PLD1: variants seen among roughly 807,000 people sequenced by gnomAD.
The protein encoded by PLD1 is choline phosphatase 1.
In PLD1, 112 loss-of-function variants were observed where a neutral mutation model predicts 137.1. The ratio of observed to expected loss-of-function variants is 0.82; its 90% CI spans 0.70 to 0.96. The LOEUF (loss-of-function observed/expected upper bound fraction) is 0.96, where lower values mean the gene tolerates loss of function less well. PLD1 is among the 40% of genes least tolerant of loss of function. The pLI is 0.00. For synonymous variants in PLD1, 431 were observed against 454.7 expected (o/e 0.95, Z 0.66); for missense variants, 1,321 against 1,342.0 (o/e 0.98, Z 0.24).
intron 12 of PLD1, among the ~76,000 whole-genome samples, chr3:171,696,565 C>T (rs1715714588): frequency 6.6e-6 from 1 of 152,082 alleles, no homozygotes. Context: ...TTTTAATAAA[C>T]CTTGTGGACC....
At chr3:171,739,080 C>A (rs1472392981) in intron 1 of PLD1, among the ~76,000 whole-genome samples, 1 of 152,084 alleles carries the variant, frequency 6.6e-6, no homozygotes. Context: ...TAAGGCAGGC[C>A]CCTGTGATTA....
chr3:171,733,689 T>G (rs1412499581), intron 5 of PLD1, among the ~76,000 whole-genome samples, 180 bp from the exon 6 acceptor site: 1 of 152,208 alleles, frequency 6.6e-6, no homozygotes, highest in Non-Finnish European at 1.5e-5. Flanking sequence ...ATTTCCATAT[T>G]TCTCTTGAAC....
At chr3:171,654,597 G>A (rs568152894) in intron 21 of PLD1, among the ~76,000 whole-genome samples, 5 of 152,286 alleles carry the variant, frequency 3.3e-5, no homozygotes, top group Admixed American at 1.3e-4. Flanking sequence ...GTTTAAAAAT[G>A]TGTCTACCTG....
chr3:171,806,589 T>A (rs1264001361), intron 1 of PLD1, among the ~76,000 whole-genome samples: 1 of 152,248 alleles, frequency 6.6e-6, no homozygotes, highest in Non-Finnish European at 1.5e-5. Context: ...GCTTTTCTTG[T>A]GAACACAATG....
At chr3:171,665,827 C>T (rs1323201489) in intron 19 of PLD1, among the ~76,000 whole-genome samples, 1 of 152,116 alleles carries the variant, frequency 6.6e-6, no homozygotes, top group East Asian at 1.9e-4. Context: ...TCCTGAGGGG[C>T]TTCAGCATCA....
chr3:171,798,960 C>T (rs1247828961), intron 1 of PLD1, among the ~76,000 whole-genome samples: 1 of 152,186 alleles, frequency 6.6e-6, no homozygotes, highest in Admixed American at 6.5e-5. Context: ...CACTAACCAA[C>T]ACCTGATTTG....
At position 171,602,074 on chromosome 3, in the gene PLD1, T is replaced by TA. The variant is rs757838870; in HGVS notation, c.*1003dup. 2 of 152,232 alleles carry TA rather than the reference T, an allele frequency of 1.3e-5. No homozygotes were observed. Among genetic ancestry groups the TA allele is most frequent in the Non-Finnish European group, 2.9e-5 (2 of 68,046 alleles). The allele number at this position is 152,232 out of a possible 1,614,324, so 9.4% of individuals were successfully genotyped here. ...TCATACTTACTAACTTGGTAGGAGTTACGATGCCTCTGATTCTCTTGAAAG... is the reference window on the plus strand; with the variant it reads ...TCATACTTACTAACTTGGTAGGAGTTAACGATGCCTCTGATTCTCTTGAAAG... On this transcript the variant is annotated 3_prime_UTR_variant, in exon 27 of 27. Coordinates refer to ENST00000351298, the MANE Select transcript of PLD1 (RefSeq NM_002662.5).
Position 171,686,815 on chromosome 3 carries a change from T to C in PLD1, c.1754-17A>G. The C allele has an allele frequency of 1.6e-6, 2 of 1,234,712 alleles. No homozygotes were observed. The highest frequency in any genetic ancestry group is 2.3e-6 in the Non-Finnish European group (2 of 860,692). 76.5% of individuals were successfully genotyped at this position (1,234,712 alleles called of 1,614,324 possible). ...TAAAATAACCTAGAGAAATTAAGAA[T>C]TTTTTTACAAAAAAATACAAATATC... On this transcript the variant is annotated splice_polypyrimidine_tract_variant and intron_variant, in intron 15 of 26. Coordinates refer to ENST00000351298, the MANE Select transcript of PLD1 (RefSeq NM_002662.5).
chr3:171,733,885 A>G (rs1232638843), intron 5 of PLD1, among the ~76,000 whole-genome samples: 1 of 152,202 alleles, frequency 6.6e-6, no homozygotes, highest in African/African-American at 2.4e-5. Context: ...ACTTACTGAA[A>G]GATACACTAC....
chr3:171,765,045 C>T lies in PLD1; in HGVS notation c.-31-26963G>A, dbSNP rs1241182017. The T allele has an allele frequency of 2.0e-5, 3 of 151,064 alleles. No homozygotes were observed. In the East Asian group the frequency reaches 5.8e-4, roughly 29 times the overall value. The allele number at this position is 151,064 out of a possible 1,614,324, so 9.4% of individuals were successfully genotyped here. A position where few individuals can be genotyped will look rare whatever the true frequency, so the allele number is the denominator to read the frequency against. On this transcript the variant is annotated intron_variant, in intron 1 of 26. Coordinates refer to ENST00000351298, the MANE Select transcript of PLD1 (RefSeq NM_002662.5). ...GAAAAAGAAAGAAAGCTGCCTAGAG[C>T]TAGGGGAGGAAAAGAGAGAGGTAGG...
At chr3:171,669,446 G>A (rs778069922) in intron 19 of PLD1, among the ~76,000 whole-genome samples, 2 of 152,160 alleles carry the variant, frequency 1.3e-5, no homozygotes, top group Non-Finnish European at 2.9e-5. Context: ...CTGTTGCCTA[G>A]GCTGGAGTGC....
In PLD1 at chr3:171,677,603, G is replaced by A. The variant is rs765929750; in HGVS notation, c.1959C>T (p.Val653=). The A allele has an allele frequency of 4.5e-5, 72 of 1,613,896 alleles. No individual in the cohort carries two copies. The highest frequency in any genetic ancestry group is 6.0e-5 in the Non-Finnish European group (71 of 1,179,906). The change falls in exon 17 of 27, where the codon GTC becomes GTT. Residue 653 remains valine, a synonymous_variant. Transcript: ENST00000351298. The part of the protein sequence containing the change: ...FWHGKDYCNF[V]FKDWVQLDKP... ...TATCAAGTTGAACCCAGTCTTTGAA[G>A]ACGAAATTGCAGTAGTCCTTTCCAT...
At chr3:171,655,091 G>A (rs566406994) in intron 21 of PLD1, among the ~76,000 whole-genome samples, 8 of 152,194 alleles carry the variant, frequency 5.3e-5, no homozygotes, top group Non-Finnish European at 8.8e-5. Context: ...CAGAGGGCCT[G>A]TATTCTTTGG....
At chr3:171,807,518 G>T (rs978444527) in intron 1 of PLD1, among the ~76,000 whole-genome samples, 1 of 152,022 alleles carries the variant, frequency 6.6e-6, no homozygotes. Context: ...GGCTACAATG[G>T]TAAATTTTAT....
chr3:171,805,703 G>A (rs1423709742), intron 1 of PLD1, among the ~76,000 whole-genome samples: 3 of 152,164 alleles, frequency 2.0e-5, no homozygotes, highest in Non-Finnish European at 2.9e-5. Flanking sequence ...GAACAAGGAC[G>A]AAATGGAAAT....
chr3:171,629,094 A>G (rs1181863886), intron 23 of PLD1, among the ~76,000 whole-genome samples: 3 of 151,004 alleles, frequency 2.0e-5, no homozygotes, highest in Admixed American at 6.6e-5. Flanking sequence ...AGATGACATG[A>G]TTGTATATCT....
At chr3:171,689,074 C>T (rs1026764060) in intron 13 of PLD1, among the ~76,000 whole-genome samples, 198 bp from the exon 14 acceptor site, 3 of 151,986 alleles carry the variant, frequency 2.0e-5, no homozygotes, top group Non-Finnish European at 4.4e-5. Context: ...CCTATTTACT[C>T]TTCAAGCTCC....
In PLD1 at chr3:171,701,258, C is replaced by G. The variant is rs568736406; in HGVS notation, c.1146-1432G>C. 2.8e-3 allele frequency among the ~76,000 whole-genome samples: 433 copies of G among 152,266 alleles called. 1 individual carries two copies. Among genetic ancestry groups the G allele is most frequent in the African/African-American group, 0.01 (419 of 41,558 alleles). On this transcript the variant is annotated intron_variant, in intron 11 of 26. Transcript: ENST00000351298. The stretch of plus-strand genomic sequence containing the variant: ...TTTAATTGAGAGTAGGAAACAAACT[C>G]AAAGGTAATCTATGTCCAAACAAGC...
intron 23 of PLD1, among the ~76,000 whole-genome samples, chr3:171,639,994 G>A (rs541096715): frequency 1.3e-4 from 19 of 151,040 alleles, no homozygotes; most frequent in Non-Finnish European, 2.4e-4. Context: ...TTTTATTTCC[G>A]TAAAGTCAGT....
Sources: allele counts gnomAD v4.1 joint callset (sites outside exome capture counted in the v4.1 genomes callset), GRCh38; gene constraint gnomAD v4.1.1; transcripts MANE v1.5; gene names NCBI Gene and HGNC (gene_info 2026-07-23, HGNC 2026-07-21).